Variants in MACROD2 observed in about 807,000 individuals in gnomAD.
MACROD2 encodes ADP-ribose glycohydrolase MACROD2.
Under a neutral mutation model 70.4 loss-of-function variants are expected in MACROD2, and 36 were observed. The ratio of observed to expected loss-of-function variants is 0.51; its 90% CI spans 0.39 to 0.68. The LOEUF (loss-of-function observed/expected upper bound fraction) is 0.68, where lower values mean the gene tolerates loss of function less well. MACROD2 is among the 30% of genes least tolerant of loss of function. The probability of loss-of-function intolerance (pLI) is 0.00; values close to 1 mark genes in which losing one functional copy is unlikely to be tolerated. For synonymous variants in MACROD2, 172 were observed against 178.8 expected (o/e 0.96, Z 0.30); for missense variants, 496 against 538.4 (o/e 0.92, Z 0.78).
chr20:15,000,149 A>T (rs1254199400), intron 5 of MACROD2, among the ~76,000 whole-genome samples: 1 of 152,252 alleles, frequency 6.6e-6, no homozygotes, highest in African/African-American at 2.4e-5. Flanking sequence ...TTGAAGGGCA[A>T]ATATCAACTG....
chr20:14,843,918 T>A (rs1398702999), intron 5 of MACROD2, among the ~76,000 whole-genome samples: 1 of 151,988 alleles, frequency 6.6e-6, no homozygotes, highest in East Asian at 1.9e-4. Flanking sequence ...GCCAAGTACT[T>A]TCCAAGCCCT....
chr20:15,058,878 T>C (rs554776987), intron 5 of MACROD2, among the ~76,000 whole-genome samples: 5 of 152,328 alleles, frequency 3.3e-5, no homozygotes, highest in African/African-American at 4.8e-5. Flanking sequence ...CGTCAACTTA[T>C]AAGAAGCTAT....
At chr20:14,001,117 G>A (rs1396427015) in intron 1 of MACROD2, among the ~76,000 whole-genome samples, 3 of 152,200 alleles carry the variant, frequency 2.0e-5, no homozygotes, top group African/African-American at 7.2e-5. Context: ...AACATAGGGT[G>A]TAGTCTTTGA....
At chr20:15,480,232 C>CA (rs1475256566) in intron 7 of MACROD2, among the ~76,000 whole-genome samples, 1 of 152,118 alleles carries the variant, frequency 6.6e-6, no homozygotes, top group Non-Finnish European at 1.5e-5. Flanking sequence ...CAATGTGTCT[C>CA]ATAATTAAGA....
intron 8 of MACROD2, among the ~76,000 whole-genome samples, chr20:15,569,583 G>A (rs1347401962): frequency 1.3e-5 from 2 of 152,184 alleles, no homozygotes; most frequent in African/African-American, 4.8e-5. Flanking sequence ...ACCATTCTAC[G>A]CTCTGCTGCG....
chr20:14,057,023 T>G (rs189281333), intron 2 of MACROD2, among the ~76,000 whole-genome samples: 88 of 152,266 alleles, frequency 5.8e-4, no homozygotes, highest in Non-Finnish European at 9.7e-4. Context: ...ATTCAATCTT[T>G]TCATTAAACA....
At chr20:15,436,562 C>G (rs1260685014) in intron 7 of MACROD2, among the ~76,000 whole-genome samples, 1 of 152,126 alleles carries the variant, frequency 6.6e-6, no homozygotes, top group Non-Finnish European at 1.5e-5. Context: ...ATAGACCATT[C>G]AGCATTATGC....
At chr20:15,109,830 C>T (rs985308450) in intron 5 of MACROD2, among the ~76,000 whole-genome samples, 1 of 151,974 alleles carries the variant, frequency 6.6e-6, no homozygotes, top group African/African-American at 2.4e-5. Context: ...ATCAAATATG[C>T]CAAAATTCCA....
At chr20:15,000,167 G>T (rs1217249637) in intron 5 of MACROD2, among the ~76,000 whole-genome samples, 1 of 152,190 alleles carries the variant, frequency 6.6e-6, no homozygotes, top group Non-Finnish European at 1.5e-5. Flanking sequence ...CTGAATTCAT[G>T]ATGATGATTG....
At chr20:14,555,861 G>A (rs1978997824) in intron 4 of MACROD2, among the ~76,000 whole-genome samples, 1 of 152,072 alleles carries the variant, frequency 6.6e-6, no homozygotes, top group African/African-American at 2.4e-5. Flanking sequence ...AGGTGGGGCT[G>A]TGGGAGGAAG....
chr20:15,168,394 T>G (rs1293161767), intron 5 of MACROD2, among the ~76,000 whole-genome samples: 1 of 151,840 alleles, frequency 6.6e-6, no homozygotes, highest in Non-Finnish European at 1.5e-5. Flanking sequence ...GCCAAAAGTT[T>G]GCCGACATGG....
intron 8 of MACROD2, among the ~76,000 whole-genome samples, chr20:15,641,812 C>G (rs1237835173): frequency 6.6e-6 from 1 of 152,014 alleles, no homozygotes; most frequent in Non-Finnish European, 1.5e-5. Flanking sequence ...GTCTCCTAAC[C>G]AAAAATAGCC....
At chr20:15,044,929 C>T (rs890908371) in intron 5 of MACROD2, among the ~76,000 whole-genome samples, 4 of 152,044 alleles carry the variant, frequency 2.6e-5, no homozygotes, top group African/African-American at 9.7e-5. Flanking sequence ...TAAGTTTTGT[C>T]TAAAAATACA....
chr20:14,168,989 C>A (rs920658067), intron 3 of MACROD2, among the ~76,000 whole-genome samples: 4 of 152,160 alleles, frequency 2.6e-5, no homozygotes, highest in Non-Finnish European at 5.9e-5. Flanking sequence ...AACAGCATAT[C>A]AGAAAGATAA....
chr20:15,123,357 A>T (rs1225212198), intron 5 of MACROD2, among the ~76,000 whole-genome samples: 2 of 152,118 alleles, frequency 1.3e-5, no homozygotes, highest in African/African-American at 4.8e-5. Flanking sequence ...CTTGCCCAAG[A>T]CCTGTTCTAT....
At chr20:14,131,632 G>A (rs560171658) in intron 3 of MACROD2, among the ~76,000 whole-genome samples, 265 of 152,230 alleles carry the variant, frequency 1.7e-3, no homozygotes, top group Non-Finnish European at 3.2e-3. Context: ...TGTAGACTCC[G>A]AAGAGACCTT....
chr20:14,254,083 G>T (rs966449614), intron 3 of MACROD2, among the ~76,000 whole-genome samples: 2 of 151,862 alleles, frequency 1.3e-5, no homozygotes, highest in African/African-American at 4.8e-5. Flanking sequence ...ATATTAACAT[G>T]GAGGACATTT....
intron 4 of MACROD2, among the ~76,000 whole-genome samples, chr20:14,639,936 T>C (rs879326552): frequency 2.0e-5 from 3 of 152,160 alleles, no homozygotes; most frequent in Non-Finnish European, 4.4e-5. Flanking sequence ...AGTAGAATTA[T>C]AAATCGTTCT....
In MACROD2 at chr20:14,862,041, A is replaced by T. The variant is rs867089210; in HGVS notation, c.418+177082A>T. 4.6e-3 allele frequency among the ~76,000 whole-genome samples: 51 copies of T among 11,064 alleles called. 2 individuals are homozygous for T. Among genetic ancestry groups the T allele is most frequent in the African/African-American group, 7.9e-3 (17 of 2,162 alleles). 7.3% of individuals were successfully genotyped at this position (11,064 alleles called of 152,430 possible). ...TATTTATATATATTTATATATATTT[A>T]TATATATATTTATATATATATAAAT... is the stretch of plus-strand genomic sequence containing the variant. On this transcript the variant is annotated intron_variant, in intron 5 of 17. Transcript: ENST00000684519.
Sources: allele counts gnomAD v4.1 joint callset (sites outside exome capture counted in the v4.1 genomes callset), GRCh38; gene constraint gnomAD v4.1.1; transcripts MANE v1.5; gene names NCBI Gene and HGNC (gene_info 2026-07-23, HGNC 2026-07-21).